Variants in CGN observed in about 807,000 individuals in gnomAD.
CGN encodes the protein cingulin.
A neutral mutation model predicts 157.1 loss-of-function variants in CGN; 121 were observed. The observed-to-expected ratio is 0.77, with a 90% CI of 0.66 to 0.90. The LOEUF is 0.90. Ranked by LOEUF, CGN falls within the 40% of genes least tolerant of loss-of-function variation. The probability of loss-of-function intolerance (pLI) is 0.00; values close to 1 mark genes in which losing one functional copy is unlikely to be tolerated. For missense variants in CGN, 1,424 were observed against 1,520.9 expected (o/e 0.94, Z 1.06); for synonymous variants, 535 against 607.5 (o/e 0.88, Z 1.76).
rs993415384 is a variant in CGN, at chr1:151,538,301, G to A, written c.*955G>A. Reference sequence around the variant, plus strand: ...GTCAGTCCCTGTGGCCTTCCTTGGGGCTTCTCTGACCACATGTGCCCAACT... The same window carrying A: ...GTCAGTCCCTGTGGCCTTCCTTGGGACTTCTCTGACCACATGTGCCCAACT... On this transcript the variant is annotated 3_prime_UTR_variant, in exon 21 of 21. Transcript: ENST00000271636. The A allele has an allele frequency of 2.0e-5, 3 of 152,260 alleles. No individual in the cohort carries two copies. The highest frequency in any genetic ancestry group is 1.3e-4 in the Admixed American group (2 of 15,282). The allele number at this position is 152,260 out of a possible 1,614,324, so 9.4% of individuals were successfully genotyped here. A position where few individuals can be genotyped will look rare whatever the true frequency, so the allele number is the denominator to read the frequency against.
intron 1 of CGN, 94 bp from the exon 2 acceptor site, chr1:151,518,412 C>G: frequency 9.6e-7 from 1 of 1,045,066 alleles, no homozygotes; most frequent in Non-Finnish European, 1.4e-6. Flanking sequence ...AGTGGTTTAT[C>G]TAGTAGGAAC....
rs139586578 is a variant in CGN, at chr1:151,529,979, G to A, written c.2177G>A (p.Arg726Gln). The change falls in exon 12 of 21, where the codon CGG becomes CAG. Residue 726 changes from arginine to glutamine, a missense_variant. This residue lies in a region of CGN where 1,187 missense variants were observed against 1,217.6 expected (regional missense o/e 0.97). Transcript: ENST00000271636. Reference protein sequence around the residue: ...QRRAAVETTLRETQEENDEFR... With the variant: ...QRRAAVETTLQETQEENDEFR... ...CGGGCCGCAGTGGAGACGACGCTTC[G>A]GGAGACCCAGGAGGAAAATGACGAA... 26 of 1,613,988 alleles carry A rather than the reference G, an allele frequency of 1.6e-5. No homozygotes were observed. In the East Asian group the frequency reaches 2.7e-4, roughly 17 times the overall value.
chr1:151,536,434 A>G, intron 19 of CGN, 89 bp downstream of exon 19: 1 of 744,514 alleles, frequency 1.3e-6, no homozygotes. Flanking sequence ...CTTATCTCCT[A>G]TAGGTCCTCC....
Position 151,520,149 on chromosome 1 carries a change from T to C in CGN, c.874-17T>C. The C allele has an allele frequency of 1.3e-6, 2 of 1,572,916 alleles. No individual in the cohort carries two copies. The highest frequency in any genetic ancestry group is 1.7e-6 in the Non-Finnish European group (2 of 1,160,926). The stretch of plus-strand genomic sequence containing the variant: ...TTCTTTCTTTCTTTTTTTTTTCTTT[T>C]TCTTTTTTTTTAACAGTTCAAATCA... On this transcript the variant is annotated splice_polypyrimidine_tract_variant and intron_variant, in intron 2 of 20. Coordinates refer to ENST00000271636, the MANE Select transcript of CGN (RefSeq NM_020770.3).
Position 151,532,554 on chromosome 1 carries a change from G to A in CGN, c.2724G>A (p.Leu908=). 6.5e-7 allele frequency: 1 copy of A among 1,549,930 alleles called. No homozygotes were observed. Among genetic ancestry groups the A allele is most frequent in the Non-Finnish European group, 8.7e-7 (1 of 1,153,008 alleles). ...ASEAEKTSGG[L]SRLQDEIQRL... ...AGGCTGAGAAGACCTCTGGAGGACTGAGCCGACTTCAGGATGAGGTAGAAG... is the reference window on the plus strand; with the variant it reads ...AGGCTGAGAAGACCTCTGGAGGACTAAGCCGACTTCAGGATGAGGTAGAAG... Residue 908 remains leucine (L), a synonymous_variant, in exon 14 of 21, where the codon CTG becomes CTA. Coordinates refer to ENST00000271636, the MANE Select transcript of CGN (RefSeq NM_020770.3).
At chr1:151,513,740 G>T (rs1664351435) in intron 1 of CGN, among the ~76,000 whole-genome samples, 1 of 152,194 alleles carries the variant, frequency 6.6e-6, no homozygotes, top group Admixed American at 6.5e-5. Flanking sequence ...ATTGGGGCAG[G>T]GCAGGCTAAT....
rs781615748 is a variant in CGN at position 151,524,769 on chromosome 1, C to G, written c.1497C>G (p.Ala499=). The part of the protein sequence containing the change: ...QLRLRERELT[A]LKGALKEEVA... The stretch of plus-strand genomic sequence containing the variant: ...GGCTGCGGGAGCGGGAGTTGACAGC[C>G]CTGAAGGGGGCCCTGAAAGAGGAGG... The change falls in exon 8 of 21, where the codon GCC becomes GCG. Residue 499 remains alanine, a synonymous_variant. Coordinates refer to ENST00000271636, the MANE Select transcript of CGN (RefSeq NM_020770.3). This position sits in a 1 kb window ranked among gnomAD's most constrained non-coding sequence, Gnocchi z 4.4. 6.2e-7 allele frequency: 1 copy of G among 1,612,716 alleles called. No homozygotes were observed. Among genetic ancestry groups the G allele is most frequent in the Non-Finnish European group, 8.5e-7 (1 of 1,179,808 alleles).
rs780503507 is a variant in CGN, at chr1:151,518,556, C to G, written c.37C>G (p.Pro13Ala). ...ACCCAACATGGCTGAGCCCCGGGGCCCCGTAGACCATGGAGTCCAGATTCG... is the reference window on the plus strand; with the variant it reads ...ACCCAACATGGCTGAGCCCCGGGGCGCCGTAGACCATGGAGTCCAGATTCG... ...QAPNMAEPRG[P>A]VDHGVQIRFI... is the part of the protein sequence containing the mutation. Residue 13 changes from proline to alanine, a missense_variant, in exon 2 of 21, where the codon CCC (proline) becomes GCC (alanine). This residue lies in a region of CGN where 1,187 missense variants were observed against 1,217.6 expected (regional missense o/e 0.97). Transcript: ENST00000271636. 1 of 1,612,542 alleles carries G rather than the reference C, an allele frequency of 6.2e-7. No individual in the cohort carries two copies. Among genetic ancestry groups the G allele is most frequent in the African/African-American group, 1.3e-5 (1 of 74,884 alleles).
rs772546840 is a variant in CGN at position 151,537,287 on chromosome 1, G to GATCCC, written c.3554_3558dup (p.Ser1187IlefsTer52). On this transcript the variant is annotated frameshift_variant, in exon 21 of 21. Transcript: ENST00000271636. LOFTEE classifies it high-confidence loss of function. ...AGATGAGGAATTCGACAGTGTCTAC[G>GATCCC]ATCCCTCGTCCATTGCATCACTGCT... 4.3e-6 allele frequency: 7 copies of GATCCC among 1,613,932 alleles called. No homozygotes were observed. Among genetic ancestry groups the GATCCC allele is most frequent in the Non-Finnish European group, 5.9e-6 (7 of 1,179,876 alleles).
chr1:151,521,701 G>A (rs1009109223), intron 5 of CGN, among the ~76,000 whole-genome samples: 8 of 152,088 alleles, frequency 5.3e-5, no homozygotes, highest in Non-Finnish European at 4.4e-5. Context: ...AGCCTGGTAT[G>A]GTGGCACATG....
intron 9 of CGN, among the ~76,000 whole-genome samples, chr1:151,526,728 C>T (rs1664689442): frequency 6.6e-6 from 1 of 152,222 alleles, no homozygotes; most frequent in Non-Finnish European, 1.5e-5. Context: ...TCTGCCTTGG[C>T]CTCCCAAATT....
chr1:151,511,551 G>C lies in CGN; in HGVS notation c.-15+36G>C, dbSNP rs544503903. 1.3e-5 allele frequency: 2 copies of C among 155,586 alleles called. No homozygotes were observed. Among genetic ancestry groups the C allele is most frequent in the African/African-American group, 4.8e-5 (2 of 41,576 alleles). The allele number at this position is 155,586 out of a possible 1,614,324, so 9.6% of individuals were successfully genotyped here. On this transcript the variant is annotated intron_variant, in intron 1 of 20. Coordinates refer to ENST00000271636, the MANE Select transcript of CGN (RefSeq NM_020770.3). The surrounding 1 kb of genome is among the most constrained non-coding windows in gnomAD (Gnocchi z 4.8). ...CCGGTGCGGGCCAGGGCACCCGAGA[G>C]GAAAGCGAGCCTTCAGGGGTACCTT... is the stretch of plus-strand genomic sequence containing the variant.
intron 14 of CGN, among the ~76,000 whole-genome samples, chr1:151,532,883 T>C (rs1664872340): frequency 6.6e-6 from 1 of 152,010 alleles, no homozygotes; most frequent in South Asian, 2.1e-4. Context: ...CCTCCCAAAA[T>C]GCTAGGATAA....
chr1:151,514,942 G>A (rs1009427417), intron 1 of CGN, among the ~76,000 whole-genome samples: 1 of 151,760 alleles, frequency 6.6e-6, no homozygotes, highest in African/African-American at 2.4e-5. Context: ...CATGCTAAAT[G>A]TTTTCATGTT....
At chr1:151,515,407 GGGGT>G (rs1664386480) in intron 1 of CGN, 2 of 152,090 alleles carry the variant, frequency 1.3e-5, no homozygotes, top group Non-Finnish European at 2.9e-5. Context: ...ATAACCTTGT[GGGGT>G]ATTATCATTA....
In CGN at chr1:151,529,923, C is replaced by G; in HGVS notation, c.2121C>G (p.Ala707=). 2 of 1,613,658 alleles carry G rather than the reference C, an allele frequency of 1.2e-6. No homozygotes were observed. Among genetic ancestry groups the G allele is most frequent in the South Asian group, 1.1e-5 (1 of 91,056 alleles). Residue 707 remains alanine (A), a synonymous_variant, in exon 12 of 21, where the codon GCC becomes GCG. Transcript: ENST00000271636. The stretch of plus-strand genomic sequence containing the variant: ...ACCGTCCTTAGGCTAAGATGGTGGC[C>G]GAGGCAGAGGCAACAGTGCTGGGGC... ...CEEASKAKMV[A]EAEATVLGQR... is the part of the protein sequence containing the mutation.
Position 151,520,279 on chromosome 1 carries a change from C to T in CGN, c.974+13C>T, listed in dbSNP as rs768818595. On this transcript the variant is annotated intron_variant, in intron 3 of 20. Coordinates refer to ENST00000271636, the MANE Select transcript of CGN (RefSeq NM_020770.3). Reference sequence around the variant, plus strand: ...TCCTGAGGGAGGGGTGAGTGGGGGCCCCCCCAACAACAGAGGCATACCCCT... The same window carrying T: ...TCCTGAGGGAGGGGTGAGTGGGGGCTCCCCCAACAACAGAGGCATACCCCT... 1.2e-6 allele frequency: 2 copies of T among 1,602,936 alleles called. No individual in the cohort carries two copies. The highest frequency in any genetic ancestry group is 8.5e-7 in the Non-Finnish European group (1 of 1,170,746).
At chr1:151,530,343 T>C (rs1231863872) in intron 12 of CGN, 146 bp from the exon 13 acceptor site, 1 of 1,069,474 alleles carries the variant, frequency 9.4e-7, no homozygotes, top group Non-Finnish European at 1.3e-6. Flanking sequence ...TTGCTCTATG[T>C]GTCCTGATTT....
chr1:151,518,504 A>T lies in CGN; in HGVS notation c.-14-2A>T. On this transcript the variant is annotated splice_acceptor_variant, in intron 1 of 20. Coordinates refer to ENST00000271636, the MANE Select transcript of CGN (RefSeq NM_020770.3). LOFTEE classifies it low-confidence loss of function (5UTR_SPLICE). ...GCCTAAACTCATTTCTTCATCTTCT[A>T]GGACTCCTCCTATTTATGGAGCAGG... 6.3e-7 allele frequency: 1 copy of T among 1,589,854 alleles called. No homozygotes were observed. Among genetic ancestry groups the T allele is most frequent in the Non-Finnish European group, 8.6e-7 (1 of 1,164,692 alleles).
Sources: allele counts gnomAD v4.1 joint callset (sites outside exome capture counted in the v4.1 genomes callset), GRCh38; gene constraint gnomAD v4.1.1; regional missense constraint gnomAD v4.1.1; non-coding constraint Gnocchi (gnomAD v3.1); transcripts MANE v1.5; gene names NCBI Gene and HGNC (gene_info 2026-07-23, HGNC 2026-07-21).